The following KIF17 variants were observed in gnomAD, a reference collection of about 807,000 sequenced individuals.
KIF17 encodes the protein kinesin family member 17.
Under a neutral mutation model 96.8 loss-of-function variants are expected in KIF17, and 80 were observed. The observed-to-expected ratio is 0.83, with a 90% confidence interval of 0.69 to 1.00. KIF17 has a LOEUF of 1.00. Among genes scored for constraint, KIF17 ranks in the 50% least tolerant of loss-of-function variants. KIF17 has a pLI of 0.00. For missense variants in KIF17, 1,280 were observed against 1,372.9 expected, an observed-to-expected ratio of 0.93 and a Z score of 1.07; for synonymous variants, 567 against 587.5, an observed-to-expected ratio of 0.97 and a Z score of 0.51.
intron 1 of KIF17, 27 bp downstream of exon 1, chr1:20,717,449 G>A (rs776818086): frequency 1.2e-6 from 2 of 1,607,722 alleles, no homozygotes; most frequent in Non-Finnish European, 1.7e-6. Flanking sequence ...CCTGCCGCCT[G>A]CAGGGCGGCC....
rs770606552 is a variant in KIF17, at chr1:20,715,600, C to G, written c.271G>C (p.Gly91Arg). 3 of 1,613,372 alleles carry G rather than the reference C, an allele frequency of 1.9e-6. No homozygotes were observed. Among genetic ancestry groups the G allele is most frequent in the South Asian group, 1.1e-5 (1 of 91,010 alleles). The change falls in exon 2 of 15, where the codon GGC becomes CGC. Residue 91 changes from glycine (G) to arginine (R), a missense_variant. Gly to Arg is a moderately radical substitution (Grantham distance 125, BLOSUM62 -2). Transcript: ENST00000400463. ...AAGGACTTCCCGCTGCCTGTCTGGC[C>G]GTAGGCAAAGATGGTGCCATTGTAG... ...EGYNGTIFAY[G>R]QTGSGKSFTM...
At chr1:20,715,132 G>T (rs1346940972) in intron 2 of KIF17, among the ~76,000 whole-genome samples, 1 of 152,220 alleles carries the variant, frequency 6.6e-6, no homozygotes, top group African/African-American at 2.4e-5. Flanking sequence ...TCAGGCTGGA[G>T]ATTCAGTGAG....
intron 2 of KIF17, among the ~76,000 whole-genome samples, chr1:20,713,759 G>A (rs1309764231): frequency 6.6e-6 from 1 of 152,000 alleles, no homozygotes; most frequent in Admixed American, 6.6e-5. Flanking sequence ...GGGCGCTCAG[G>A]CCTCTTTGAG....
At chr1:20,703,344 A>G (rs1166235680) in intron 5 of KIF17, among the ~76,000 whole-genome samples, 3 of 151,884 alleles carry the variant, frequency 2.0e-5, no homozygotes, top group Non-Finnish European at 4.4e-5. Context: ...TGGATGGATG[A>G]CAGATGAATG....
At chr1:20,678,928 C>CA in intron 11 of KIF17, among the ~76,000 whole-genome samples, 1 of 140,772 alleles carries the variant, frequency 7.1e-6, no homozygotes. Flanking sequence ...CAACCACCAC[C>CA]AAAAAAATAA....
At chr1:20,684,687 C>A (rs1453032216) in intron 10 of KIF17, 122 bp downstream of exon 10, 2 of 997,522 alleles carry the variant, frequency 2.0e-6, no homozygotes, top group Admixed American at 2.0e-5. Context: ...AGGATCAGGG[C>A]CGCCCTGCCA....
chr1:20,707,510 C>T (rs1296474140), intron 4 of KIF17, among the ~76,000 whole-genome samples: 1 of 152,072 alleles, frequency 6.6e-6, no homozygotes, highest in African/African-American at 2.4e-5. Flanking sequence ...CGCAGTGGCT[C>T]ATGTCTGTAA....
At chr1:20,666,765 C>G (rs191853873) in intron 13 of KIF17, among the ~76,000 whole-genome samples, 21 of 152,324 alleles carry the variant, frequency 1.4e-4, no homozygotes, top group Admixed American at 3.9e-4. Flanking sequence ...GAATCCAAAC[C>G]TTCTTATCAC....
intron 6 of KIF17, chr1:20,692,654 T>G (rs1178752271): frequency 6.6e-6 from 1 of 152,202 alleles, no homozygotes; most frequent in South Asian, 2.1e-4. Context: ...TTATTTTCTG[T>G]GTGTGTGCTC....
chr1:20,703,194 G>A (rs538085614), intron 5 of KIF17, among the ~76,000 whole-genome samples: 1 of 151,738 alleles, frequency 6.6e-6, no homozygotes, highest in African/African-American at 2.4e-5. Context: ...TGGACGGATG[G>A]ATGGGAGATG....
At chr1:20,712,903 ATATTATATATATAATATATC>A (rs2054499614) in intron 3 of KIF17, among the ~76,000 whole-genome samples, 1 of 103,530 alleles carries the variant, frequency 9.7e-6, no homozygotes, top group Non-Finnish European at 1.9e-5. Context: ...AATATTATCT[ATATTATATATATAATATATC>A]TATATTATCT....
chr1:20,670,384 G>C (rs748913681), intron 13 of KIF17, 37 bp downstream of exon 13: 1 of 1,598,042 alleles, frequency 6.3e-7, no homozygotes, highest in African/African-American at 1.3e-5. Context: ...AGCCCTCCCA[G>C]CCCCCGACAC....
chr1:20,702,105 A>T (rs1245068016), intron 5 of KIF17, among the ~76,000 whole-genome samples: 1 of 152,168 alleles, frequency 6.6e-6, no homozygotes, highest in Non-Finnish European at 1.5e-5. Flanking sequence ...CCACACATGC[A>T]TGACCTCAGG....
At chr1:20,710,312 C>T (rs754046592) in intron 3 of KIF17, among the ~76,000 whole-genome samples, 6 of 152,174 alleles carry the variant, frequency 3.9e-5, no homozygotes, top group Non-Finnish European at 8.8e-5. Flanking sequence ...TCCCTTTGCC[C>T]GTTGCTAAGG....
chr1:20,678,136 A>G (rs796358671), intron 11 of KIF17, among the ~76,000 whole-genome samples: 4 of 152,228 alleles, frequency 2.6e-5, no homozygotes, highest in African/African-American at 9.6e-5. Flanking sequence ...GTGGAAGGTG[A>G]AAGGCACATC....
Position 20,688,944 on chromosome 1 carries a change from G to T in KIF17, c.1382-1000C>A, listed in dbSNP as rs1392198669. Reference sequence around the variant, plus strand: ...GGCCCCTTAGTGCTCCAGTTCAGGGGGCTCCCGGCGCCTCTCATACCTCCC... The same window carrying T: ...GGCCCCTTAGTGCTCCAGTTCAGGGTGCTCCCGGCGCCTCTCATACCTCCC... On this transcript the variant is annotated intron_variant, in intron 7 of 14. Coordinates refer to ENST00000400463, the MANE Select transcript of KIF17 (RefSeq NM_001122819.3). Among the ~76,000 whole-genome samples the T allele has an allele frequency of 2.6e-5, 4 of 152,274 alleles. No homozygotes were observed. In the South Asian group the frequency reaches 6.2e-4, roughly 24 times the overall value.
intron 14 of KIF17, among the ~76,000 whole-genome samples, chr1:20,665,438 C>T (rs1232390049): frequency 3.8e-5 from 5 of 130,668 alleles, no homozygotes; most frequent in Non-Finnish European, 6.2e-5. Flanking sequence ...CTCACTCTGT[C>T]GCCTAGACCG....
chr1:20,695,993 CTTCAT>C (rs1164303956), intron 6 of KIF17, among the ~76,000 whole-genome samples: 1 of 152,134 alleles, frequency 6.6e-6, no homozygotes, highest in Non-Finnish European at 1.5e-5. Context: ...GATGATGGCC[CTTCAT>C]TTCATCCTCT....
chr1:20,690,179 G>A lies in KIF17; in HGVS notation c.1381+9C>T. ...CTGGAGACAGCCTCGGGGGGCAAGG[G>A]GTGCCCACCTGTCTCCTTCCGCAGG... On this transcript the variant is annotated intron_variant, in intron 7 of 14. Coordinates refer to ENST00000400463, the MANE Select transcript of KIF17 (RefSeq NM_001122819.3). 6.2e-7 allele frequency: 1 copy of A among 1,614,050 alleles called. No individual in the cohort carries two copies. The highest frequency in any genetic ancestry group is 8.5e-7 in the Non-Finnish European group (1 of 1,180,010).
Sources: allele counts gnomAD v4.1 joint callset (sites outside exome capture counted in the v4.1 genomes callset), GRCh38; gene constraint gnomAD v4.1.1; transcripts MANE v1.5; gene names NCBI Gene and HGNC (gene_info 2026-07-23, HGNC 2026-07-21).